WWOX: variants seen among roughly 807,000 people sequenced by gnomAD.
WWOX encodes the protein WW domain-containing oxidoreductase.
WWOX carries 69 observed loss-of-function variants against 46.2 expected under a neutral mutation model. The observed-to-expected ratio is 1.49, with a 90% CI of 1.23 to 1.82. The LOEUF (loss-of-function observed/expected upper bound fraction) is 1.82. Ranked by LOEUF, WWOX falls within the 40% of genes most tolerant of loss-of-function variation. The pLI is 0.00. For synonymous variants in WWOX, 359 were observed against 202.6 expected, an observed-to-expected ratio of 1.77 and a Z score of -6.56; for missense variants, 919 against 542.6, an observed-to-expected ratio of 1.69 and a Z score of -6.89.
chr16:78,954,320 A>G (rs2046121948), intron 8 of WWOX, among the ~76,000 whole-genome samples: 1 of 151,576 alleles, frequency 6.6e-6, no homozygotes, highest in African/African-American at 2.4e-5. Context: ...TAGAAGGTGG[A>G]TGGATGGAGG....
chr16:78,439,689 C>T lies in WWOX; in HGVS notation c.1056+6937C>T, dbSNP rs936848395. On this transcript the variant is annotated intron_variant, in intron 8 of 8. Coordinates refer to ENST00000566780, the MANE Select transcript of WWOX (RefSeq NM_016373.4). ...TCTACATCAGTTTAGCTGCTTTAGG[C>T]CGCAAGTTATTAACACCCACTTAAA... 7.2e-5 allele frequency among the ~76,000 whole-genome samples: 11 copies of T among 152,298 alleles called. 1 individual carries two copies. The highest frequency in any genetic ancestry group is 2.4e-4 in the African/African-American group (10 of 41,562).
intron 8 of WWOX, among the ~76,000 whole-genome samples, chr16:79,168,451 C>T (rs959258824): frequency 6.6e-6 from 1 of 152,090 alleles, no homozygotes; most frequent in Non-Finnish European, 1.5e-5. Flanking sequence ...TATAATCAAC[C>T]CCCAGGGACT....
intron 8 of WWOX, among the ~76,000 whole-genome samples, chr16:78,733,384 G>A (rs1353815325): frequency 1.3e-5 from 2 of 151,960 alleles, no homozygotes; most frequent in Admixed American, 6.6e-5. Flanking sequence ...GAGCCCAGGA[G>A]GTTGAGGCTG....
At chr16:78,414,493 CAGG>C (rs2082753640) in intron 6 of WWOX, among the ~76,000 whole-genome samples, 1 of 152,140 alleles carries the variant, frequency 6.6e-6, no homozygotes, top group Non-Finnish European at 1.5e-5. Context: ...CACTTAAACC[CAGG>C]AGGAGGAGAT....
intron 8 of WWOX, among the ~76,000 whole-genome samples, chr16:78,987,513 T>G (rs778331400): frequency 6.6e-6 from 1 of 152,210 alleles, no homozygotes; most frequent in Non-Finnish European, 1.5e-5. Context: ...GGGTTTCTCA[T>G]TTTTTAATCC....
chr16:79,156,912 A>T (rs993561250), intron 8 of WWOX, among the ~76,000 whole-genome samples: 2 of 152,184 alleles, frequency 1.3e-5, no homozygotes, highest in African/African-American at 2.4e-5. Flanking sequence ...TTCATGTCGA[A>T]TATGTAGATT....
intron 8 of WWOX, among the ~76,000 whole-genome samples, chr16:78,706,742 A>T (rs1054685931): frequency 6.6e-6 from 1 of 152,112 alleles, no homozygotes; most frequent in Non-Finnish European, 1.5e-5. Context: ...TACTGACGCA[A>T]TTGGCACCTC....
At position 78,330,398 on chromosome 16, in the gene WWOX, AT is replaced by A. The variant is rs773610021; in HGVS notation, c.517-56448del. Among the ~76,000 whole-genome samples the A allele has an allele frequency of 2.1e-3, 307 of 144,670 alleles. 2 individuals are homozygous for A. The highest frequency in any genetic ancestry group is 2.9e-3 in the South Asian group (13 of 4,560). The allele number at this position is 144,670 out of a possible 152,430, so 94.9% of individuals were successfully genotyped here. On this transcript the variant is annotated intron_variant, in intron 5 of 8. Coordinates refer to ENST00000566780, the MANE Select transcript of WWOX (RefSeq NM_016373.4). ...TAAAGAGAAAATTTCACCAGTGATA[AT>A]TTTTTTTTTTTTTCCCCTGAGAAAG... is the stretch of plus-strand genomic sequence containing the variant.
At chr16:78,508,117 C>G (rs916032722) in intron 8 of WWOX, among the ~76,000 whole-genome samples, 6 of 151,868 alleles carry the variant, frequency 4.0e-5, no homozygotes, top group South Asian at 2.1e-4. Context: ...AAGCAATTCT[C>G]CGTGTCTCAA....
At chr16:78,163,449 C>G (rs913115483) in intron 4 of WWOX, among the ~76,000 whole-genome samples, 11 of 152,282 alleles carry the variant, frequency 7.2e-5, no homozygotes, top group South Asian at 4.1e-4. Flanking sequence ...AAATTTATGT[C>G]TTTTTCCTTG....
intron 5 of WWOX, among the ~76,000 whole-genome samples, chr16:78,267,467 G>C (rs1412829101): frequency 1.3e-5 from 2 of 152,218 alleles, no homozygotes; most frequent in Non-Finnish European, 2.9e-5. Context: ...TCAGTGTAAA[G>C]TGTCAGTAGC....
intron 8 of WWOX, among the ~76,000 whole-genome samples, chr16:78,960,449 T>G (rs1202358189): frequency 6.6e-6 from 1 of 152,236 alleles, no homozygotes; most frequent in African/African-American, 2.4e-5. Context: ...AAGGAGACTG[T>G]CACTTCATGA....
intron 5 of WWOX, among the ~76,000 whole-genome samples, chr16:78,280,091 T>A (rs752874067): frequency 2.6e-5 from 4 of 152,376 alleles, no homozygotes; most frequent in Admixed American, 1.3e-4. Context: ...CAGTTACAGC[T>A]AATCATGGCA....
rs527274921 is a variant in WWOX, at chr16:78,126,506, A to G, written c.409+11352A>G. On this transcript the variant is annotated intron_variant, in intron 4 of 8. Transcript: ENST00000566780. ...TTTTAACGAATTGCCCTTTCATCTT[A>G]TATGCATGACTATTGGATATGTATC... Among the ~76,000 whole-genome samples the G allele has an allele frequency of 2.6e-5, 4 of 152,260 alleles. No homozygotes were observed. In the East Asian group the frequency reaches 5.8e-4, roughly 22 times the overall value.
intron 8 of WWOX, among the ~76,000 whole-genome samples, chr16:78,699,664 G>T (rs989140188): frequency 6.6e-6 from 1 of 152,180 alleles, no homozygotes; most frequent in Non-Finnish European, 1.5e-5. Flanking sequence ...TTAAAAAGGA[G>T]AGTCAGCTAT....
chr16:78,173,672 A>G (rs867745934), intron 5 of WWOX, among the ~76,000 whole-genome samples: 12 of 152,254 alleles, frequency 7.9e-5, no homozygotes, highest in African/African-American at 2.6e-4. Flanking sequence ...CACATAGTAA[A>G]GATTCAGTAA....
chr16:78,674,516 G>T (rs149060041), intron 8 of WWOX, among the ~76,000 whole-genome samples: 4 of 151,820 alleles, frequency 2.6e-5, no homozygotes, highest in African/African-American at 9.7e-5. Context: ...AACTCCTGAC[G>T]TCAGGTGATC....
chr16:78,652,145 C>T (rs527498887), intron 8 of WWOX, among the ~76,000 whole-genome samples: 7 of 151,652 alleles, frequency 4.6e-5, no homozygotes, highest in Admixed American at 4.6e-4. Context: ...GGCGTGGTGG[C>T]TCACACCTGT....
chr16:78,562,946 A>G (rs1167538373), intron 8 of WWOX, among the ~76,000 whole-genome samples: 1 of 151,998 alleles, frequency 6.6e-6, no homozygotes, highest in African/African-American at 2.4e-5. Flanking sequence ...TTACTCTGCC[A>G]TATGCTGTGC....
Sources: gnomAD v4.1 joint callset for allele counts (sites outside exome capture counted in the v4.1 genomes callset) on GRCh38, gnomAD v4.1.1 for gene constraint, MANE v1.5 for transcripts, NCBI Gene and HGNC (gene_info 2026-07-23, HGNC 2026-07-21) for gene names.